TYW5: variants seen among roughly 807,000 people sequenced by gnomAD.
The protein encoded by TYW5 is tRNA-yW synthesizing protein 5, also known as tRNA wybutosine-synthesizing protein 5.
A neutral mutation model predicts 44.4 loss-of-function variants in TYW5; 36 were observed. That is an observed-to-expected ratio of 0.81 (90% confidence interval 0.62 to 1.07). The LOEUF (loss-of-function observed/expected upper bound fraction) is 1.07, where lower values mean the gene tolerates loss of function less well. TYW5 is among the 50% of genes least tolerant of loss of function. The pLI is 0.00. For missense variants in TYW5, 354 were observed against 365.7 expected, an observed-to-expected ratio of 0.97 and a Z score of 0.26; for synonymous variants, 121 against 128.1, an observed-to-expected ratio of 0.94 and a Z score of 0.37.
chr2:199,938,903 A>T, intron 5 of TYW5, 30 bp downstream of exon 5: 1 of 1,568,202 alleles, frequency 6.4e-7, no homozygotes, highest in Non-Finnish European at 8.6e-7. Flanking sequence ...GATCTATTGT[A>T]GCTTTAAATT....
rs998479501 is a variant in TYW5 at position 199,939,227 on chromosome 2, C to G, written c.349-157G>C. On this transcript the variant is annotated intron_variant, in intron 4 of 7. Coordinates refer to ENST00000354611, the MANE Select transcript of TYW5 (RefSeq NM_001039693.3). ...CTCTATCTTTCTCTCTCTCTCTCCC[C>G]CAAGTAGCTGAGATTATAGGCACCT... 2.0e-5 allele frequency among the ~76,000 whole-genome samples: 3 copies of G among 152,014 alleles called. No homozygotes were observed. The East Asian group carries it at 5.8e-4, about 29-fold the overall frequency.
intron 2 of TYW5, chr2:199,947,565 A>G (rs2077512485): frequency 6.6e-6 from 1 of 152,250 alleles, no homozygotes; most frequent in East Asian, 1.9e-4. Flanking sequence ...TAAGATGATG[A>G]AAGATTATAC....
At chr2:199,953,616 C>T (rs1248529539) in intron 1 of TYW5, among the ~76,000 whole-genome samples, 1 of 152,076 alleles carries the variant, frequency 6.6e-6, no homozygotes, top group East Asian at 1.9e-4. Flanking sequence ...ATTCTATTCC[C>T]TTGGTCTATC....
intron 5 of TYW5, among the ~76,000 whole-genome samples, chr2:199,937,992 T>C (rs1276870144): frequency 6.6e-6 from 1 of 152,238 alleles, no homozygotes; most frequent in African/African-American, 2.4e-5. Flanking sequence ...ACTAGTATTT[T>C]TAATGTTTTT....
rs767037074 is a variant in TYW5, at chr2:199,936,484, A to G, written c.495T>C (p.Asp165=). 6.2e-7 allele frequency: 1 copy of G among 1,612,810 alleles called. No individual in the cohort carries two copies. The highest frequency in any genetic ancestry group is 8.5e-7 in the Non-Finnish European group (1 of 1,179,380). Residue 165 remains aspartate, a synonymous_variant, in exon 6 of 8, where the codon GAT becomes GAC. Transcript: ENST00000354611. ...LQLWTHYDVM[D]NLLIQVTGKK... ...TTCCTGTCACTTGTATTAACAAATT[A>G]TCCATTACCTGAAGACCAATAAAAG...
chr2:199,951,715 T>TA (rs1252054975), intron 1 of TYW5, among the ~76,000 whole-genome samples: 2 of 152,038 alleles, frequency 1.3e-5, no homozygotes, highest in Admixed American at 1.3e-4. Context: ...GTGTGCTTTT[T>TA]AAAAAATTCA....
intron 2 of TYW5, 198 bp from the exon 3 acceptor site, chr2:199,944,032 G>T: frequency 2.3e-6 from 1 of 439,046 alleles, no homozygotes; most frequent in Non-Finnish European, 4.0e-6. Flanking sequence ...GATCTAAGTT[G>T]TCTGAAATTT....
At chr2:199,936,581 G>C in intron 5 of TYW5, 89 bp from the exon 6 acceptor site, 2 of 1,052,674 alleles carry the variant, frequency 1.9e-6, no homozygotes, top group South Asian at 2.7e-5. Flanking sequence ...CTGCAAACCC[G>C]ATCCTTTAAT....
chr2:199,940,421 G>C (rs912103701), intron 3 of TYW5, among the ~76,000 whole-genome samples: 3 of 152,184 alleles, frequency 2.0e-5, no homozygotes, highest in Admixed American at 2.0e-4. Context: ...GGGAGGCCAG[G>C]GCAGGAAGAC....
chr2:199,948,813 T>A (rs971127551), intron 1 of TYW5, among the ~76,000 whole-genome samples: 2 of 152,194 alleles, frequency 1.3e-5, no homozygotes, highest in African/African-American at 4.8e-5. Context: ...ACAAAGAATT[T>A]CCGTAAACGC....
intron 1 of TYW5, 107 bp from the exon 2 acceptor site, chr2:199,948,579 C>T: frequency 9.1e-7 from 1 of 1,093,164 alleles, no homozygotes; most frequent in South Asian, 1.5e-5. Context: ...GACTCTTGCT[C>T]CCAAGATGCT....
chr2:199,946,581 AG>A (rs919637194), intron 2 of TYW5: 2 of 152,214 alleles, frequency 1.3e-5, no homozygotes, highest in African/African-American at 4.8e-5. Context: ...ACTACCAATA[AG>A]AAAGAAGTAA....
chr2:199,952,143 C>T (rs1348210323), intron 1 of TYW5, among the ~76,000 whole-genome samples: 1 of 152,034 alleles, frequency 6.6e-6, no homozygotes, highest in Admixed American at 6.5e-5. Flanking sequence ...CAATTATTCT[C>T]GCCTGCATAA....
chr2:199,936,409 T>G lies in TYW5; in HGVS notation c.570A>C (p.Leu190Phe), dbSNP rs2077421066. 5 of 1,609,392 alleles carry G rather than the reference T, an allele frequency of 3.1e-6. No homozygotes were observed. The highest frequency in any genetic ancestry group is 4.2e-6 in the Non-Finnish European group (5 of 1,178,638). Residue 190 changes from leucine to phenylalanine, a missense_variant, in exon 6 of 8, where the codon TTA (leucine) becomes TTC (phenylalanine). By Grantham distance (22) the Leu-to-Phe change is conservative (BLOSUM62 0). Transcript: ENST00000354611. Reference sequence around the variant, plus strand: ...AACTTAAAAAAAATCCCATACCTTTTAAATATAAATACTGGGCATCTCGAG... The same window carrying G: ...AACTTAAAAAAAATCCCATACCTTTGAAATATAAATACTGGGCATCTCGAG... ...FSPRDAQYLY[L>F]KGTKSEVLNI...
Position 199,943,954 on chromosome 2 carries a change from T to C in TYW5, c.234-120A>G, listed in dbSNP as rs115155797. On this transcript the variant is annotated intron_variant, in intron 2 of 7. Transcript: ENST00000354611. Reference sequence around the variant, plus strand: ...ATAATCTCCTGTTTTATAATATCTGTAATTTTTATTATAACCTATTATGTG... The same window carrying C: ...ATAATCTCCTGTTTTATAATATCTGCAATTTTTATTATAACCTATTATGTG... The C allele has an allele frequency of 1.5e-3, 945 of 618,466 alleles. 13 individuals carry two copies. In the African/African-American group the frequency reaches 0.016, roughly 11 times the overall value. 38.3% of individuals were successfully genotyped at this position (618,466 alleles called of 1,614,324 possible). A position where few individuals can be genotyped will look rare whatever the true frequency, so the allele number is the denominator to read the frequency against.
intron 3 of TYW5, among the ~76,000 whole-genome samples, chr2:199,941,668 T>C (rs1276297110): frequency 6.6e-6 from 1 of 152,246 alleles, no homozygotes; most frequent in Non-Finnish European, 1.5e-5. Flanking sequence ...CTACTAGTTC[T>C]AACATTTCAA....
intron 7 of TYW5, among the ~76,000 whole-genome samples, chr2:199,934,489 A>T (rs1357908512): frequency 6.6e-6 from 1 of 151,300 alleles, no homozygotes; most frequent in East Asian, 1.9e-4. Context: ...GTTGCTTTCA[A>T]TGAAAATAAG....
Position 199,935,935 on chromosome 2 carries a change from A to G in TYW5, c.687T>C (p.Ile229=). ...CSLEAGDVLF[I]PALWFHNVIS... is the part of the protein sequence containing the mutation. ...AGTGAGGTCTAGAAATCTTACCAGG[A>G]ATGAATAATACATCACCAGCTTCAA... Residue 229 remains isoleucine (I), a synonymous_variant, in exon 7 of 8, where the codon ATT becomes ATC. Transcript: ENST00000354611. The G allele has an allele frequency of 1.3e-6, 2 of 1,599,314 alleles. No homozygotes were observed. Among genetic ancestry groups the G allele is most frequent in the Non-Finnish European group, 1.7e-6 (2 of 1,168,000 alleles).
At chr2:199,953,059 C>T (rs1001596134) in intron 1 of TYW5, among the ~76,000 whole-genome samples, 6 of 152,080 alleles carry the variant, frequency 3.9e-5, no homozygotes, top group Admixed American at 1.3e-4. Context: ...CGGTGGCTCA[C>T]GCCTGTAATC....
Sources: gnomAD v4.1 joint callset for allele counts (sites outside exome capture counted in the v4.1 genomes callset) on GRCh38, gnomAD v4.1.1 for gene constraint, MANE v1.5 for transcripts, NCBI Gene and HGNC (gene_info 2026-07-23, HGNC 2026-07-21) for gene names.